The following ZSCAN18 variants were observed in gnomAD, a reference collection of about 807,000 sequenced individuals.
ZSCAN18 encodes zinc finger and SCAN domain-containing protein 18.
Under a neutral mutation model 31.1 loss-of-function variants are expected in ZSCAN18, and 16 were observed. The ratio of observed to expected loss-of-function variants is 0.51; its 90% CI spans 0.35 to 0.78. The LOEUF (loss-of-function observed/expected upper bound fraction) is 0.78, where lower values mean the gene tolerates loss of function less well. Ranked by LOEUF, ZSCAN18 falls within the 30% of genes least tolerant of loss-of-function variation. The probability of loss-of-function intolerance (pLI) is 0.01; values close to 1 mark genes in which losing one functional copy is unlikely to be tolerated. For synonymous variants in ZSCAN18, 375 were observed against 320.7 expected (o/e 1.17, Z -1.81); for missense variants, 731 against 697.4 (o/e 1.05, Z -0.54).
chr19:58,108,331 C>T (rs2074652567), intron 1 of ZSCAN18: 1 of 985,466 alleles, frequency 1.0e-6, no homozygotes, highest in Non-Finnish European at 1.2e-6. Flanking sequence ...TTTTCACATT[C>T]ATTACATTCG....
At chr19:58,105,529 C>T (rs1034290456) in intron 1 of ZSCAN18, among the ~76,000 whole-genome samples, 11 of 151,958 alleles carry the variant, frequency 7.2e-5, no homozygotes, top group Non-Finnish European at 1.2e-4. Flanking sequence ...GGCGTGGTGG[C>T]GGGTGCCTGT....
upstream of ZSCAN18, among the ~76,000 whole-genome samples, chr19:58,101,361 G>A (rs754758679): frequency 1.4e-5 from 2 of 144,734 alleles, no homozygotes; most frequent in Non-Finnish European, 3.0e-5. Flanking sequence ...ATGTTAGCCA[G>A]GATGGTCTCG....
At chr19:58,109,363 T>C (rs978505627) in intron 1 of ZSCAN18, 4 of 1,230,680 alleles carry the variant, frequency 3.3e-6, no homozygotes, top group African/African-American at 1.6e-5. Context: ...AGAGTTAGAA[T>C]GGTAATGTGT....
intron 1 of ZSCAN18, among the ~76,000 whole-genome samples, chr19:58,097,149 C>T (rs1233317628): frequency 6.6e-6 from 1 of 152,006 alleles, no homozygotes; most frequent in Non-Finnish European, 1.5e-5. Flanking sequence ...TGCCACTCAG[C>T]CTCGCCCAGG....
upstream of ZSCAN18, chr19:58,118,418 G>A: frequency 6.8e-7 from 1 of 1,477,962 alleles, no homozygotes; most frequent in East Asian, 3.0e-5. Context: ...GTTCCCGGAT[G>A]CGATATTCCG....
chr19:58,090,510 G>T lies in ZSCAN18; in HGVS notation c.-119-124C>A. The T allele has an allele frequency of 1.2e-6, 1 of 849,058 alleles. No individual in the cohort carries two copies. The highest frequency in any genetic ancestry group is 1.8e-6 in the Non-Finnish European group (1 of 559,842). The allele number at this position is 849,058 out of a possible 1,614,324, so 52.6% of individuals were successfully genotyped here. A position where few individuals can be genotyped will look rare whatever the true frequency, so the allele number is the denominator to read the frequency against. ...GATTTCCAAGAAACCCGCTTGTTAG[G>T]CATCAGTAGAACCTCAGTGTTGTAC... On this transcript the variant is annotated intron_variant, in intron 1 of 6. Coordinates refer to ENST00000601144, the MANE Select transcript of ZSCAN18 (RefSeq NM_001145543.2). This position sits in a 1 kb window ranked among gnomAD's most constrained non-coding sequence, Gnocchi z 4.7.
At chr19:58,117,537 TAGG>T (rs940542855) in intron 1 of ZSCAN18, among the ~76,000 whole-genome samples, 51 of 151,452 alleles carry the variant, frequency 3.4e-4, no homozygotes, top group African/African-American at 1.2e-3. Context: ...ACAGGGTTGT[TAGG>T]AGGAGTAGGA....
At chr19:58,101,210 G>A (rs1221259321), upstream of ZSCAN18, among the ~76,000 whole-genome samples, 7 of 145,812 alleles carry the variant, frequency 4.8e-5, no homozygotes, top group South Asian at 2.2e-4. Flanking sequence ...TCGGCTCACC[G>A]CAAGCTCCAC....
chr19:58,086,210 AC>A lies in ZSCAN18; in HGVS notation c.801del (p.Leu268TrpfsTer161). 6.2e-7 allele frequency: 1 copy of A among 1,613,884 alleles called. No individual in the cohort carries two copies. The highest frequency in any genetic ancestry group is 2.2e-5 in the East Asian group (1 of 44,862). On this transcript the variant is annotated frameshift_variant, in exon 6 of 7. Coordinates refer to ENST00000601144, the MANE Select transcript of ZSCAN18 (RefSeq NM_001145543.2). LOFTEE classifies it low-confidence loss of function (END_TRUNC). ...CTTCCTTGTGGATCTCTTTCCACCA[AC>A]CGGAGTTCCTCAGTGTCCAGCCTGG... ...AASRLDTEELRLVERDPQGSS... is the reference protein window; with the variant it reads ...AASRLDTEELXLVERDPQGSS...
In ZSCAN18 at chr19:58,090,390, C is replaced by A; in HGVS notation, c.-119-4G>T. 6.5e-7 allele frequency: 1 copy of A among 1,547,264 alleles called. No individual in the cohort carries two copies. The highest frequency in any genetic ancestry group is 2.3e-5 in the East Asian group (1 of 43,362). ...GGTGGTGCCAGAACCCACAGACCTG[C>A]AGAGGACACGGACAAGGCAATGGCC... On this transcript the variant is annotated splice_region_variant and splice_polypyrimidine_tract_variant and intron_variant, in intron 1 of 6. Transcript: ENST00000601144. The surrounding 1 kb of genome is among the most constrained non-coding windows in gnomAD (Gnocchi z 4.7).
At chr19:58,109,236 C>T (rs2074659925) in intron 1 of ZSCAN18, 1 of 1,231,682 alleles carries the variant, frequency 8.1e-7, no homozygotes, top group East Asian at 3.2e-5. Flanking sequence ...TTTATTTTCA[C>T]CAAATTGGAT....
chr19:58,094,877 CAAAAAAAAAAA>C (rs56377325), intron 1 of ZSCAN18, among the ~76,000 whole-genome samples: 17 of 35,284 alleles, frequency 4.8e-4, no homozygotes, highest in African/African-American at 1.0e-3. Context: ...GACCCTGTCG[CAAAAAAAAAAA>C]AAAAAAAAAA....
At position 58,104,402 on chromosome 19, in the gene ZSCAN18, CA is replaced by C. The variant is rs35400103; in HGVS notation, c.130+13864del. Among the ~76,000 whole-genome samples, 42 of 129,934 alleles carry C rather than the reference CA, an allele frequency of 3.2e-4. 1 individual carries two copies. The highest frequency in any genetic ancestry group is 1.3e-3 in the African/African-American group (42 of 31,872). 85.2% of individuals were successfully genotyped at this position (129,934 alleles called of 152,430 possible). ...AAAAACAAAACAAAACAAAACAAAA[CA>C]AAAAAAAAGTCTGGGCCGGGTGTGG... On this transcript the variant is annotated intron_variant, in intron 1 of 1. Coordinates refer to the ZSCAN18 transcript ENST00000595721.
chr19:58,097,086 G>A (rs2074532412), intron 1 of ZSCAN18, among the ~76,000 whole-genome samples: 1 of 152,166 alleles, frequency 6.6e-6, no homozygotes, highest in South Asian at 2.1e-4. Context: ...AGGACATGAT[G>A]GGATGGGGGA....
At chr19:58,101,624 G>A (rs1218652264), upstream of ZSCAN18, among the ~76,000 whole-genome samples, 1 of 150,232 alleles carries the variant, frequency 6.7e-6, no homozygotes, top group East Asian at 2.0e-4. Context: ...GGTTCAAGTG[G>A]TTCTTCTGCC....
Position 58,089,905 on chromosome 19 carries a change from G to A in ZSCAN18, c.363C>T (p.Ala121=). ...AQYPESCKKA[A]SLVEGLADVL... The stretch of plus-strand genomic sequence containing the variant: ...CATCAGCGAGGCCCTCCACCAGGGA[G>A]GCTGCCTTCTTGCAGCTCTCAGGGT... The change falls in exon 2 of 7, where the codon GCC becomes GCT. Residue 121 remains alanine, a synonymous_variant. Transcript: ENST00000601144. 1.2e-6 allele frequency: 2 copies of A among 1,613,432 alleles called. No homozygotes were observed. The highest frequency in any genetic ancestry group is 1.7e-6 in the Non-Finnish European group (2 of 1,179,516).
At chr19:58,098,349 T>G, upstream of ZSCAN18, 9 of 985,508 alleles carry the variant, frequency 9.1e-6, no homozygotes, top group Non-Finnish European at 9.6e-6. Flanking sequence ...ACAGTGCGCA[T>G]GGCCAATCAG....
intron 1 of ZSCAN18, among the ~76,000 whole-genome samples, chr19:58,093,953 C>T (rs2074467960): frequency 6.6e-6 from 1 of 151,826 alleles, no homozygotes; most frequent in Non-Finnish European, 1.5e-5. Context: ...TTAGTACAGA[C>T]GGGGTTTCAC....
At chr19:58,118,272 C>A in exon 1 of ZSCAN18, 1 of 1,471,102 alleles carries the variant, frequency 6.8e-7, no homozygotes. Context: ...CCCACCCTCA[C>A]TAGGCCTTGG....
Sources: allele counts gnomAD v4.1 joint callset (sites outside exome capture counted in the v4.1 genomes callset), GRCh38; gene constraint gnomAD v4.1.1; non-coding constraint Gnocchi (gnomAD v3.1); transcripts MANE v1.5; gene names NCBI Gene and HGNC (gene_info 2026-07-23, HGNC 2026-07-21).